ZC3H12C: variants seen among roughly 807,000 people sequenced by gnomAD.
ZC3H12C encodes probable ribonuclease ZC3H12C.
In ZC3H12C, 20 loss-of-function variants were observed where a neutral mutation model predicts 76.3. The observed-to-expected ratio is 0.26, with a 90% confidence interval of 0.18 to 0.38. The LOEUF (loss-of-function observed/expected upper bound fraction) is 0.38. Ranked by LOEUF, ZC3H12C falls within the 10% of genes least tolerant of loss-of-function variation. ZC3H12C has a pLI of 1.00. For missense variants in ZC3H12C, 874 were observed against 1,086.5 expected, an observed-to-expected ratio of 0.80 and a Z score of 2.75; for synonymous variants, 352 against 399.6, an observed-to-expected ratio of 0.88 and a Z score of 1.42.
At chr11:110,142,390 G>T (rs1234980214) in intron 2 of ZC3H12C, among the ~76,000 whole-genome samples, 1 of 152,070 alleles carries the variant, frequency 6.6e-6, no homozygotes, top group African/African-American at 2.4e-5. Flanking sequence ...CACCTAACTA[G>T]TGTTACCAGT....
chr11:110,136,795 C>G lies in ZC3H12C; in HGVS notation c.154C>G (p.Pro52Ala), dbSNP rs1861969532. 2 of 1,613,868 alleles carry G rather than the reference C, an allele frequency of 1.2e-6. No individual in the cohort carries two copies. Among genetic ancestry groups the G allele is most frequent in the Non-Finnish European group, 1.7e-6 (2 of 1,179,866 alleles). Residue 52 changes from proline (P) to alanine (A), a missense_variant, in exon 2 of 6, where the codon CCA becomes GCA. Coordinates refer to ENST00000278590, the MANE Select transcript of ZC3H12C (RefSeq NM_033390.2). ...LGHLYVESTD[P>A]QLSPAVPWST... Reference sequence around the variant, plus strand: ...CCACCTTTATGTGGAGAGCACTGACCCACAGTTAAGTCCAGCTGTACCTTG... The same window carrying G: ...CCACCTTTATGTGGAGAGCACTGACGCACAGTTAAGTCCAGCTGTACCTTG...
In ZC3H12C at chr11:110,136,813, G is replaced by A; in HGVS notation, c.172G>A (p.Val58Ile). 2 of 1,613,924 alleles carry A rather than the reference G, an allele frequency of 1.2e-6. No homozygotes were observed. The highest frequency in any genetic ancestry group is 1.1e-5 in the South Asian group (1 of 91,076). The part of the protein sequence containing the change: ...ESTDPQLSPA[V>I]PWSTVENPSM... ...CACTGACCCACAGTTAAGTCCAGCT[G>A]TACCTTGGTCAACAGTAGAAAACCC... The change falls in exon 2 of 6, where the codon GTA (valine) becomes ATA (isoleucine). Residue 58 changes from valine (V) to isoleucine (I), a missense_variant. Val to Ile is a conservative substitution (Grantham distance 29, BLOSUM62 3). Transcript: ENST00000278590.
At position 110,130,951 on chromosome 11, in the gene ZC3H12C, C is replaced by A. The variant is rs1255651392; in HGVS notation, c.22-5712C>A. On this transcript the variant is annotated intron_variant, in intron 1 of 5. Coordinates refer to ENST00000278590, the MANE Select transcript of ZC3H12C (RefSeq NM_033390.2). ...TCTGGCCTATGATTGGCTGTTATTC[C>A]ACTCGGTAATAGGTTAAGCAAAGAC... 20 of 1,371,238 alleles carry A rather than the reference C, an allele frequency of 1.5e-5. No individual in the cohort carries two copies. The Admixed American group carries it at 3.9e-4, about 27-fold the overall frequency. 84.9% of individuals were successfully genotyped at this position (1,371,238 alleles called of 1,614,324 possible). A position where few individuals can be genotyped will look rare whatever the true frequency, so the allele number is the denominator to read the frequency against.
intron 1 of ZC3H12C, among the ~76,000 whole-genome samples, chr11:110,107,340 T>G (rs1861347963): frequency 6.6e-6 from 1 of 152,100 alleles, no homozygotes; most frequent in Non-Finnish European, 1.5e-5. Context: ...TAAAGGTAAA[T>G]GATACAGTGT....
chr11:110,153,199 GT>G, intron 3 of ZC3H12C, 141 bp downstream of exon 3: 2 of 1,122,086 alleles, frequency 1.8e-6, no homozygotes, highest in Non-Finnish European at 2.5e-6. Flanking sequence ...TGTTGTTGTT[GT>G]TTTCTGAGAT....
rs1026608 is a variant in ZC3H12C, at chr11:110,164,537, A to G, written c.1452A>G (p.Arg484=). 398,004 of 1,613,742 alleles carry G rather than the reference A, an allele frequency of 0.25. 49,627 individuals are homozygous for G. Among genetic ancestry groups the G allele is most frequent in the Middle Eastern group, 0.34 (2,083 of 6,062 alleles). Reference sequence around the variant, plus strand: ...CTGATAGCACTTCTGATGTCAAACGAGGTGCTCCAAAGAGGCAATCAGATC... The same window carrying G: ...CTGATAGCACTTCTGATGTCAAACGGGGTGCTCCAAAGAGGCAATCAGATC... The part of the protein sequence containing the change: ...TKADSTSDVK[R]GAPKRQSDPS... The change falls in exon 6 of 6, where the codon CGA becomes CGG. Residue 484 remains arginine (R), a synonymous_variant. Transcript: ENST00000278590. The surrounding 1 kb of genome is among the most constrained non-coding windows in gnomAD (Gnocchi z 5.7).
chr11:110,163,156 C>A, intron 4 of ZC3H12C, 117 bp from the exon 5 acceptor site: 1 of 752,152 alleles, frequency 1.3e-6, no homozygotes, highest in Non-Finnish European at 2.1e-6. Context: ...AATCAAAACA[C>A]TTGGATTAAA....
intron 1 of ZC3H12C, among the ~76,000 whole-genome samples, chr11:110,115,820 G>A (rs1434362441): frequency 6.8e-6 from 1 of 146,390 alleles, no homozygotes; most frequent in Non-Finnish European, 1.5e-5. Context: ...GGGTGCAATA[G>A]CCTGGTCTTG....
intron 1 of ZC3H12C, chr11:110,131,019 T>G: frequency 6.5e-7 from 1 of 1,535,504 alleles, no homozygotes; most frequent in Non-Finnish European, 8.7e-7. Flanking sequence ...TCTTCTTGCC[T>G]GCCTGGAAGT....
chr11:110,157,178 C>CA (rs564780227), intron 3 of ZC3H12C, among the ~76,000 whole-genome samples: 36,712 of 101,006 alleles, frequency 0.36, 4,516 homozygotes, highest in Middle Eastern at 0.53. Flanking sequence ...GACTCCGTCT[C>CA]AAAAAAAAAA....
intron 1 of ZC3H12C, among the ~76,000 whole-genome samples, chr11:110,114,671 A>G (rs928256382): frequency 1.3e-5 from 2 of 152,228 alleles, no homozygotes; most frequent in African/African-American, 2.4e-5. Context: ...TATTATTTGT[A>G]TAGAATTTTG....
At chr11:110,124,094 T>A (rs1334023826) in intron 1 of ZC3H12C, 1 of 152,218 alleles carries the variant, frequency 6.6e-6, no homozygotes, top group Non-Finnish European at 1.5e-5. Context: ...AGGCAGAAGC[T>A]GCAGTGGAAC....
chr11:110,121,569 T>G (rs1455770943), intron 1 of ZC3H12C, among the ~76,000 whole-genome samples: 1 of 150,202 alleles, frequency 6.7e-6, no homozygotes, highest in Non-Finnish European at 1.5e-5. Flanking sequence ...TTTGTGCTAA[T>G]CTCACTGAGT....
intron 1 of ZC3H12C, chr11:110,124,025 T>A (rs1193855559): frequency 6.6e-6 from 1 of 152,238 alleles, no homozygotes; most frequent in African/African-American, 2.4e-5. Context: ...AAGAGAAATG[T>A]GCAGTTGAAA....
intron 1 of ZC3H12C, among the ~76,000 whole-genome samples, chr11:110,118,014 C>T (rs977720187): frequency 2.1e-5 from 2 of 96,386 alleles, no homozygotes; most frequent in Admixed American, 1.1e-4. Flanking sequence ...TATATATATA[C>T]ACACACACAT....
chr11:110,159,922 A>G (rs1862449067), intron 4 of ZC3H12C, among the ~76,000 whole-genome samples: 1 of 152,262 alleles, frequency 6.6e-6, no homozygotes, highest in African/African-American at 2.4e-5. Context: ...CATTGTGGGT[A>G]TGAACATCAT....
At chr11:110,139,077 G>T (rs1862023140) in intron 2 of ZC3H12C, among the ~76,000 whole-genome samples, 1 of 152,164 alleles carries the variant, frequency 6.6e-6, no homozygotes, top group African/African-American at 2.4e-5. Context: ...CATTAATGAT[G>T]TATGCTGAAA....
intron 1 of ZC3H12C, among the ~76,000 whole-genome samples, chr11:110,106,852 A>T (rs1000156850): frequency 6.6e-6 from 1 of 152,202 alleles, no homozygotes; most frequent in Admixed American, 6.5e-5. Flanking sequence ...AGGTTCTATA[A>T]TAATGACCCA....
chr11:110,166,681 G>T lies in ZC3H12C; in HGVS notation c.*944G>T, dbSNP rs1862591223. 1 of 152,032 alleles carries T rather than the reference G, an allele frequency of 6.6e-6. No individual in the cohort carries two copies. The highest frequency in any genetic ancestry group is 2.4e-5 in the African/African-American group (1 of 41,380). 9.4% of individuals were successfully genotyped at this position (152,032 alleles called of 1,614,324 possible). On this transcript the variant is annotated 3_prime_UTR_variant, in exon 6 of 6. Transcript: ENST00000278590. Reference sequence around the variant, plus strand: ...ATAAAATAACCCTTTCACAGCACTTGCCTGTTTTTAATGAATCTAATTATT... The same window carrying T: ...ATAAAATAACCCTTTCACAGCACTTTCCTGTTTTTAATGAATCTAATTATT...
Sources: allele counts gnomAD v4.1 joint callset (sites outside exome capture counted in the v4.1 genomes callset), GRCh38; gene constraint gnomAD v4.1.1; non-coding constraint Gnocchi (gnomAD v3.1); transcripts MANE v1.5; gene names NCBI Gene and HGNC (gene_info 2026-07-23, HGNC 2026-07-21).